HOMER1: variants seen among roughly 807,000 people sequenced by gnomAD.
The protein encoded by HOMER1 is homer protein homolog 1.
A neutral mutation model predicts 48.9 loss-of-function variants in HOMER1; 3 were observed. The observed-to-expected ratio is 0.06, with a 90% confidence interval of 0.03 to 0.16. The LOEUF (loss-of-function observed/expected upper bound fraction) is 0.16, where lower values mean the gene tolerates loss of function less well. Among genes scored for constraint, HOMER1 ranks in the 10% least tolerant of loss-of-function variants. HOMER1 has a pLI of 1.00. For synonymous variants in HOMER1, 134 were observed against 146.4 expected, an observed-to-expected ratio of 0.92 and a Z score of 0.61; for missense variants, 247 against 411.4, an observed-to-expected ratio of 0.60 and a Z score of 3.46.
intron 1 of HOMER1, among the ~76,000 whole-genome samples, chr5:79,481,192 C>T (rs1347050683): frequency 6.6e-6 from 1 of 152,154 alleles, no homozygotes; most frequent in Non-Finnish European, 1.5e-5. Context: ...GTTATCTCTC[C>T]TCACGACACG....
intron 1 of HOMER1, among the ~76,000 whole-genome samples, chr5:79,465,290 G>A (rs1580001264): frequency 6.6e-6 from 1 of 152,068 alleles, no homozygotes; most frequent in East Asian, 1.9e-4. Flanking sequence ...AGCTATGATT[G>A]TACACCACTG....
At chr5:79,433,177 C>A (rs778744268) in intron 5 of HOMER1, among the ~76,000 whole-genome samples, 4 of 152,160 alleles carry the variant, frequency 2.6e-5, no homozygotes, top group African/African-American at 4.8e-5. Context: ...GGAAACATGT[C>A]ACAGTGTGGA....
intron 8 of HOMER1, among the ~76,000 whole-genome samples, chr5:79,378,248 T>C (rs1203019308): frequency 1.6e-5 from 2 of 124,122 alleles, no homozygotes; most frequent in Admixed American, 8.4e-5. Flanking sequence ...AAAAGGAAAT[T>C]GGCTCAAATA....
At chr5:79,467,684 TCAAAA>T (rs1219103445) in intron 1 of HOMER1, among the ~76,000 whole-genome samples, 1 of 152,206 alleles carries the variant, frequency 6.6e-6, no homozygotes, top group Non-Finnish European at 1.5e-5. Flanking sequence ...TTTAAATTGC[TCAAAA>T]CAAACAATAA....
intron 1 of HOMER1, among the ~76,000 whole-genome samples, chr5:79,511,673 T>C (rs1580052298): frequency 6.6e-6 from 1 of 152,362 alleles, no homozygotes; most frequent in East Asian, 1.9e-4. Context: ...CATTAATTTC[T>C]GAGGAACGTC....
At chr5:79,387,220 T>G (rs1193532004) in intron 8 of HOMER1, among the ~76,000 whole-genome samples, 2 of 151,948 alleles carry the variant, frequency 1.3e-5, no homozygotes, top group Non-Finnish European at 2.9e-5. Flanking sequence ...CTCAACCTTC[T>G]GGGCTCACAT....
intron 1 of HOMER1, among the ~76,000 whole-genome samples, chr5:79,469,825 C>T (rs1195741959): frequency 6.6e-6 from 1 of 152,036 alleles, no homozygotes; most frequent in Non-Finnish European, 1.5e-5. Context: ...TTTCACGTAA[C>T]AAAAACTATA....
At chr5:79,459,887 G>C (rs1448652152) in intron 1 of HOMER1, among the ~76,000 whole-genome samples, 1 of 152,182 alleles carries the variant, frequency 6.6e-6, no homozygotes, top group Non-Finnish European at 1.5e-5. Context: ...GTACAGGTAA[G>C]TTTGAGTGCC....
chr5:79,500,963 G>GACACACACACACACACACACAC (rs140189642), intron 1 of HOMER1, among the ~76,000 whole-genome samples: 107 of 101,680 alleles, frequency 1.1e-3, no homozygotes, highest in African/African-American at 3.5e-3. Context: ...GAGACAGACA[G>GACACACACACACACACACACAC]ACACACACAC....
chr5:79,475,274 T>TGGCTCTAGAGCCCGTATCCTGTCA (rs1751732686), intron 1 of HOMER1, among the ~76,000 whole-genome samples: 1 of 152,150 alleles, frequency 6.6e-6, no homozygotes. Flanking sequence ...GCACACTGTC[T>TGGCTCTAGAGCCCGTATCCTGTCA]GGCTCTAGAG....
intron 5 of HOMER1, among the ~76,000 whole-genome samples, chr5:79,425,120 T>A (rs1387042279): frequency 6.6e-6 from 1 of 152,006 alleles, no homozygotes; most frequent in African/African-American, 2.4e-5. Flanking sequence ...CAGGGACTAT[T>A]TGCATCTTGT....
At chr5:79,460,993 G>A (rs979406814) in intron 1 of HOMER1, among the ~76,000 whole-genome samples, 5 of 152,140 alleles carry the variant, frequency 3.3e-5, no homozygotes, top group African/African-American at 1.2e-4. Context: ...CAGTTTTGAA[G>A]GAGTTCAGAT....
intron 1 of HOMER1, among the ~76,000 whole-genome samples, chr5:79,490,738 C>T: frequency 6.7e-6 from 1 of 148,806 alleles, no homozygotes; most frequent in Non-Finnish European, 1.5e-5. Context: ...TTGATTCCAG[C>T]CTGGCCAGTA....
chr5:79,475,428 CTTTTTT>C (rs370912747), intron 1 of HOMER1, among the ~76,000 whole-genome samples: 2 of 127,098 alleles, frequency 1.6e-5, no homozygotes, highest in Non-Finnish European at 3.3e-5. Flanking sequence ...AATTCTTAGA[CTTTTTT>C]TTTTTTTTTT....
At chr5:79,442,944 C>T (rs963743841) in intron 4 of HOMER1, among the ~76,000 whole-genome samples, 3 of 152,204 alleles carry the variant, frequency 2.0e-5, no homozygotes, top group Non-Finnish European at 4.4e-5. Flanking sequence ...TTTGTGACAA[C>T]CACAGAAGTT....
intron 1 of HOMER1, among the ~76,000 whole-genome samples, chr5:79,466,536 A>T (rs9293783): frequency 0.27 from 40,345 of 151,490 alleles, 5,513 homozygotes; most frequent in South Asian, 0.39. Context: ...ATAAATTACA[A>T]TTAGAATTGA....
chr5:79,423,456 C>T (rs925439813), intron 5 of HOMER1, among the ~76,000 whole-genome samples: 2 of 152,156 alleles, frequency 1.3e-5, no homozygotes, highest in Admixed American at 6.5e-5. Context: ...TGATGGATCA[C>T]ACATTTTTAA....
rs140049692 is a variant in HOMER1, at chr5:79,423,978, C to T, written c.527+15032G>A. Among the ~76,000 whole-genome samples the T allele has an allele frequency of 7.6e-4, 116 of 152,156 alleles. No individual in the cohort carries two copies. The Middle Eastern group carries it at 0.01, about 13-fold the overall frequency. On this transcript the variant is annotated intron_variant, in intron 5 of 8. Transcript: ENST00000334082. ...CAGACCATTGTATTATTCACATTTT[C>T]TCCCAGGAAATTATTTTCTCTTGAA...
intron 4 of HOMER1, among the ~76,000 whole-genome samples, chr5:79,440,835 T>C (rs947042962): frequency 1.3e-5 from 2 of 152,144 alleles, no homozygotes; most frequent in Admixed American, 1.3e-4. Flanking sequence ...AACAGTTAAA[T>C]TGGTGAAGAT....
Sources: gnomAD v4.1 joint callset for allele counts (sites outside exome capture counted in the v4.1 genomes callset) on GRCh38, gnomAD v4.1.1 for gene constraint, MANE v1.5 for transcripts, NCBI Gene and HGNC (gene_info 2026-07-23, HGNC 2026-07-21) for gene names.